The following OPN3 variants were observed in gnomAD, a reference collection of about 807,000 sequenced individuals.
The protein encoded by OPN3 is opsin 3, also known as opsin-3.
OPN3 carries 29 observed loss-of-function variants against 33.8 expected under a neutral mutation model. The observed-to-expected ratio is 0.86, with a 90% confidence interval of 0.64 to 1.17. OPN3 has a LOEUF of 1.17. Among genes scored for constraint, OPN3 ranks in the 50% most tolerant of loss-of-function variants. The probability of loss-of-function intolerance (pLI) is 0.00; values close to 1 mark genes in which losing one functional copy is unlikely to be tolerated. For synonymous variants in OPN3, 216 were observed against 216.1 expected (o/e 1.00, Z 0.00); for missense variants, 437 against 514.1 (o/e 0.85, Z 1.45).
At chr1:241,639,251 A>T (rs1665019121) in intron 1 of OPN3, 1 of 152,254 alleles carries the variant, frequency 6.6e-6, no homozygotes, top group Non-Finnish European at 1.5e-5. Flanking sequence ...CCCATCTATA[A>T]GACGGAAAAT....
intron 1 of OPN3, chr1:241,634,889 T>C (rs1664816750): frequency 6.2e-7 from 1 of 1,610,314 alleles, no homozygotes; most frequent in South Asian, 1.1e-5. Flanking sequence ...CATCCTCTTT[T>C]CAACCATGGT....
At chr1:241,604,749 T>C (rs1399589482) in intron 1 of OPN3, among the ~76,000 whole-genome samples, 170 bp from the exon 2 acceptor site, 1 of 151,940 alleles carries the variant, frequency 6.6e-6, no homozygotes, top group East Asian at 1.9e-4. Flanking sequence ...ATACTGAAAA[T>C]AGTTATCCAT....
chr1:241,604,836 G>C (rs1171963320), intron 1 of OPN3, among the ~76,000 whole-genome samples: 2 of 152,068 alleles, frequency 1.3e-5, no homozygotes, highest in Non-Finnish European at 2.9e-5. Flanking sequence ...TGGGAGGATT[G>C]CTTGAGCCTA....
chr1:241,635,187 T>C lies in OPN3; in HGVS notation c.373+4695A>G. Reference sequence around the variant, plus strand: ...TTGCTTTCATCTTTATCTCCATCTTTATCTGAAACTGTGTGCATACAAGTT... The same window carrying C: ...TTGCTTTCATCTTTATCTCCATCTTCATCTGAAACTGTGTGCATACAAGTT... On this transcript the variant is annotated intron_variant, in intron 1 of 3. Transcript: ENST00000366554. 8 of 1,613,188 alleles carry C rather than the reference T, an allele frequency of 5.0e-6. No homozygotes were observed. Among genetic ancestry groups the C allele is most frequent in the Non-Finnish European group, 6.8e-6 (8 of 1,179,928 alleles).
intron 2 of OPN3, 128 bp downstream of exon 2, chr1:241,604,132 A>C: frequency 1.3e-6 from 1 of 752,294 alleles, no homozygotes; most frequent in Non-Finnish European, 2.2e-6. Flanking sequence ...ACCAGATGGG[A>C]AGTCCCCTAG....
chr1:241,594,153 A>C lies in OPN3; in HGVS notation c.*275T>G, dbSNP rs1173534592. 2.8e-6 allele frequency: 1 copy of C among 357,602 alleles called. No individual in the cohort carries two copies. Among genetic ancestry groups the C allele is most frequent in the Non-Finnish European group, 5.0e-6 (1 of 200,488 alleles). 22.2% of individuals were successfully genotyped at this position (357,602 alleles called of 1,614,324 possible). On this transcript the variant is annotated 3_prime_UTR_variant, in exon 4 of 4. Coordinates refer to ENST00000366554, the MANE Select transcript of OPN3 (RefSeq NM_014322.3). ...TAATTTAAAAAATATATTTGAAATG[A>C]AAATCTCCAACACATTAGAAGATGA...
At chr1:241,602,951 T>C (rs1174639114) in intron 2 of OPN3, among the ~76,000 whole-genome samples, 1 of 152,202 alleles carries the variant, frequency 6.6e-6, no homozygotes, top group African/African-American at 2.4e-5. Context: ...GAGTCACCAA[T>C]GGTTCTTTGA....
chr1:241,638,174 A>C (rs1664975854), intron 1 of OPN3, among the ~76,000 whole-genome samples: 2 of 152,220 alleles, frequency 1.3e-5, no homozygotes, highest in African/African-American at 4.8e-5. Context: ...GGTTGAAAGC[A>C]CTAAATGCCC....
chr1:241,627,862 T>C (rs995955435), intron 1 of OPN3, among the ~76,000 whole-genome samples: 1 of 152,176 alleles, frequency 6.6e-6, no homozygotes, highest in Non-Finnish European at 1.5e-5. Context: ...TGAAGGCAAA[T>C]AAAATTAATC....
At chr1:241,603,559 A>G (rs945402539) in intron 2 of OPN3, among the ~76,000 whole-genome samples, 2 of 152,196 alleles carry the variant, frequency 1.3e-5, no homozygotes, top group Non-Finnish European at 2.9e-5. Context: ...TTTGTCTTTA[A>G]CAAAGTTGGC....
chr1:241,637,114 A>G (rs765395367), intron 1 of OPN3, among the ~76,000 whole-genome samples: 2 of 152,224 alleles, frequency 1.3e-5, no homozygotes, highest in African/African-American at 4.8e-5. Flanking sequence ...GGCTAAAGCA[A>G]CAATACTGCT....
Position 241,597,955 on chromosome 1 carries a change from T to C in OPN3, c.736A>G (p.Ile246Val), listed in dbSNP as rs772104611. 1.2e-6 allele frequency: 2 copies of C among 1,613,772 alleles called. No individual in the cohort carries two copies. The highest frequency in any genetic ancestry group is 1.3e-5 in the African/African-American group (1 of 74,990). Residue 246 changes from isoleucine to valine, a missense_variant, in exon 3 of 4, where the codon ATT (isoleucine) becomes GTT (valine). Ile to Val is a conservative substitution (Grantham distance 29, BLOSUM62 3). Transcript: ENST00000366554. Reference sequence around the variant, plus strand: ...GCCAGTTTCTTTTCATATTTTAAAATCTTGATCACTTGAATTGTCTGAAGA... The same window carrying C: ...GCCAGTTTCTTTTCATATTTTAAAACCTTGATCACTTGAATTGTCTGAAGA... ...EDLQTIQVIK[I>V]LKYEKKLAKM...
rs1663438181 is a variant in OPN3 at position 241,594,544 on chromosome 1, T to C, written c.1093A>G (p.Thr365Ala). 1.9e-6 allele frequency: 3 copies of C among 1,614,184 alleles called. No homozygotes were observed. Among genetic ancestry groups the C allele is most frequent in the African/African-American group, 2.7e-5 (2 of 75,062 alleles). ...KDGDRPKKKV[T>A]FNSSSIIFII... The stretch of plus-strand genomic sequence containing the variant: ...AAAATGATGGAAGAAGAGTTGAAAG[T>C]CACTTTTTTCTTTGGCCTGTCCCCA... Residue 365 changes from threonine (T) to alanine (A), a missense_variant, in exon 4 of 4, where the codon ACT becomes GCT. Thr to Ala is a moderately conservative substitution (Grantham distance 58). Transcript: ENST00000366554.
At chr1:241,620,039 C>G (rs962712518) in intron 1 of OPN3, among the ~76,000 whole-genome samples, 2 of 151,710 alleles carry the variant, frequency 1.3e-5, no homozygotes, top group Non-Finnish European at 2.9e-5. Flanking sequence ...ATGTTAAGTG[C>G]CAGAGGAGCC....
At chr1:241,596,813 A>G (rs1294102115) in intron 3 of OPN3, among the ~76,000 whole-genome samples, 1 of 152,150 alleles carries the variant, frequency 6.6e-6, no homozygotes, top group Non-Finnish European at 1.5e-5. Flanking sequence ...AACTACAGAA[A>G]CAGATGATAA....
intron 3 of OPN3, 123 bp from the exon 4 acceptor site, chr1:241,594,814 TG>T (rs1275149786): frequency 9.6e-7 from 1 of 1,037,820 alleles, no homozygotes; most frequent in African/African-American, 1.6e-5. Flanking sequence ...GGTGTGGATG[TG>T]GGGTTATGTG....
At chr1:241,629,389 G>T (rs755262581) in intron 1 of OPN3, 1 of 152,106 alleles carries the variant, frequency 6.6e-6, no homozygotes, top group Non-Finnish European at 1.5e-5. Context: ...ACAATAGCAT[G>T]AACTAAGTCA....
At chr1:241,618,682 C>G (rs374376116) in intron 1 of OPN3, among the ~76,000 whole-genome samples, 29 of 152,292 alleles carry the variant, frequency 1.9e-4, no homozygotes, top group African/African-American at 6.5e-4. Flanking sequence ...TTCAGCAGAG[C>G]AACACCGCCA....
chr1:241,633,982 T>A (rs749652365), intron 1 of OPN3: 2 of 1,613,926 alleles, frequency 1.2e-6, no homozygotes, highest in Non-Finnish European at 1.7e-6. Context: ...CCTGGAAAAG[T>A]GTTTCAGCTT....
Sources: allele counts gnomAD v4.1 joint callset (sites outside exome capture counted in the v4.1 genomes callset), GRCh38; gene constraint gnomAD v4.1.1; transcripts MANE v1.5; gene names NCBI Gene and HGNC (gene_info 2026-07-23, HGNC 2026-07-21).